Variants in TNNT3 observed in about 807,000 individuals in gnomAD.
TNNT3 encodes the protein troponin T3, fast skeletal type.
In TNNT3, 36 loss-of-function variants were observed where a neutral mutation model predicts 54.2. That is an observed-to-expected ratio of 0.66 (90% CI 0.51 to 0.88). The LOEUF (loss-of-function observed/expected upper bound fraction) is 0.88. Among genes scored for constraint, TNNT3 ranks in the 40% least tolerant of loss-of-function variants. The pLI is 0.00. For synonymous variants in TNNT3, 120 were observed against 109.7 expected (o/e 1.09, Z -0.59); for missense variants, 291 against 331.6 (o/e 0.88, Z 0.95).
At chr11:1,938,093 C>T (rs1340929593) in intron 15 of TNNT3, 1 of 361,044 alleles carries the variant, frequency 2.8e-6, no homozygotes, top group Non-Finnish European at 5.4e-6. Context: ...GGGGCATGAG[C>T]TCTTTCAAGG....
chr11:1,926,648 C>A (rs761517568), intron 5 of TNNT3, 47 bp from the exon 6 acceptor site: 62 of 1,612,636 alleles, frequency 3.8e-5, no homozygotes, highest in Non-Finnish European at 5.3e-5. Context: ...TCACACTGGT[C>A]CTCTCTCTCT....
chr11:1,924,485 T>G (rs1850959614), intron 4 of TNNT3, among the ~76,000 whole-genome samples: 1 of 152,214 alleles, frequency 6.6e-6, no homozygotes, highest in South Asian at 2.1e-4. Flanking sequence ...TTGAAAATAT[T>G]TTGAAAACAC....
At chr11:1,929,693 G>T (rs2292472) in intron 7 of TNNT3, 117 bp from the exon 8 acceptor site, 6 of 1,114,124 alleles carry the variant, frequency 5.4e-6, no homozygotes, top group Middle Eastern at 2.0e-4. Flanking sequence ...TGAAAAGGAC[G>T]GTGGCCTTCA....
At chr11:1,927,226 G>A (rs754239929) in intron 6 of TNNT3, among the ~76,000 whole-genome samples, 8 of 152,192 alleles carry the variant, frequency 5.3e-5, no homozygotes, top group South Asian at 2.1e-4. Flanking sequence ...CTGGGGACCC[G>A]GAACAGCCAG....
intron 1 of TNNT3, among the ~76,000 whole-genome samples, chr11:1,920,431 C>T (rs1328018415): frequency 1.3e-5 from 2 of 152,114 alleles, no homozygotes; most frequent in Non-Finnish European, 2.9e-5. Context: ...ATCGCGTCCC[C>T]CTGGCTGGAG....
At chr11:1,937,608 C>T (rs1342873134) in intron 15 of TNNT3, among the ~76,000 whole-genome samples, 3 of 152,300 alleles carry the variant, frequency 2.0e-5, no homozygotes, top group Middle Eastern at 3.4e-3. Flanking sequence ...TGTCATGGAG[C>T]CCAGCTGCAC....
chr11:1,925,645 C>T (rs1851376384), intron 5 of TNNT3, among the ~76,000 whole-genome samples: 1 of 152,146 alleles, frequency 6.6e-6, no homozygotes, highest in African/African-American at 2.4e-5. Context: ...TGGCGTCGAC[C>T]CCTGGGCCTG....
At chr11:1,925,220 G>A (rs1460115774) in intron 5 of TNNT3, 104 bp downstream of exon 5, 4 of 1,606,284 alleles carry the variant, frequency 2.5e-6, no homozygotes, top group Non-Finnish European at 1.7e-6. Context: ...GTGTGCCCCT[G>A]TCTAACCCTC....
intron 6 of TNNT3, 73 bp downstream of exon 6, chr11:1,926,782 T>C: frequency 6.3e-7 from 1 of 1,594,110 alleles, no homozygotes; most frequent in African/African-American, 1.3e-5. Flanking sequence ...TTCCTCCCTC[T>C]TGCCCACCCC....
intron 8 of TNNT3, 101 bp from the exon 9 acceptor site, chr11:1,932,367 AG>A: frequency 9.1e-7 from 1 of 1,096,488 alleles, no homozygotes. Flanking sequence ...CCAGAGCAGG[AG>A]GGCACCAGGG....
intron 14 of TNNT3, 74 bp downstream of exon 14, chr11:1,934,993 C>CA (rs1854549962): frequency 2.1e-6 from 3 of 1,405,888 alleles, no homozygotes; most frequent in Non-Finnish European, 3.0e-6. Flanking sequence ...CTCCCTGCGT[C>CA]CCTACCAAAC....
intron 9 of TNNT3, 99 bp downstream of exon 9, chr11:1,932,613 AG>A: frequency 8.1e-7 from 1 of 1,229,408 alleles, no homozygotes; most frequent in Non-Finnish European, 1.2e-6. Context: ...AAGTAGCCAG[AG>A]CCGGGGCCTC....
chr11:1,919,990 G>C (rs746580593), intron 1 of TNNT3, among the ~76,000 whole-genome samples: 1 of 152,198 alleles, frequency 6.6e-6, no homozygotes, highest in Non-Finnish European at 1.5e-5. Context: ...TCTCAGCACC[G>C]GGAGGATGCA....
intron 8 of TNNT3, among the ~76,000 whole-genome samples, chr11:1,930,474 G>A (rs915826859): frequency 5.3e-5 from 8 of 152,166 alleles, no homozygotes; most frequent in Non-Finnish European, 1.5e-5. Flanking sequence ...ATTCAGAGGA[G>A]CTTGTCCTCA....
chr11:1,938,126 T>C, intron 15 of TNNT3: 5 of 422,104 alleles, frequency 1.2e-5, no homozygotes, highest in Non-Finnish European at 1.8e-5. Context: ...GATTATATCA[T>C]TATCTGCTAA....
chr11:1,934,144 C>T (rs1291141805), intron 11 of TNNT3, 136 bp downstream of exon 11: 17 of 1,156,616 alleles, frequency 1.5e-5, no homozygotes, highest in South Asian at 5.3e-5. Context: ...GCTAAGGCCC[C>T]GGCGCCCTGC....
At chr11:1,925,702 G>T (rs1216996203) in intron 5 of TNNT3, among the ~76,000 whole-genome samples, 1 of 152,102 alleles carries the variant, frequency 6.6e-6, no homozygotes, top group African/African-American at 2.4e-5. Flanking sequence ...TGAGGGGAGA[G>T]AAGGCGGCTG....
At position 1,934,839 on chromosome 11, in the gene TNNT3, A is replaced by G. The variant is rs772987319; in HGVS notation, c.601A>G (p.Lys201Glu). Residue 201 changes from lysine to glutamate, a missense_variant, in exon 14 of 16, where the codon AAG becomes GAG. Physicochemically the swap from Lys to Glu is moderately conservative, Grantham distance 56. Transcript: ENST00000278317. ...CTTCCTCTGCCCCAGGGACAAGGCC[A>G]AGGAGCTCTGGGAGACCCTGCACCA... is the stretch of plus-strand genomic sequence containing the variant. ...LGEDKLRDKA[K>E]ELWETLHQLE... The G allele has an allele frequency of 6.2e-7, 1 of 1,613,472 alleles. No homozygotes were observed. The highest frequency in any genetic ancestry group is 8.5e-7 in the Non-Finnish European group (1 of 1,180,012).
Position 1,923,707 on chromosome 11 carries a change from T to C in TNNT3, c.49+135T>C, listed in dbSNP as rs3781958. 1,741 of 690,748 alleles carry C rather than the reference T, an allele frequency of 2.5e-3. 46 individuals carry two copies. The East Asian group carries it at 0.046, about 18-fold the overall frequency. 42.8% of individuals were successfully genotyped at this position (690,748 alleles called of 1,614,324 possible). A position where few individuals can be genotyped will look rare whatever the true frequency, so the allele number is the denominator to read the frequency against. On this transcript the variant is annotated intron_variant, in intron 4 of 15. Transcript: ENST00000278317. ...GAGCTTGTCAATCAACCTTCCATCT[T>C]CCTCATCATTAGTCACTAACAATCA...
Sources: gnomAD v4.1 joint callset for allele counts (sites outside exome capture counted in the v4.1 genomes callset) on GRCh38, gnomAD v4.1.1 for gene constraint, MANE v1.5 for transcripts, NCBI Gene and HGNC (gene_info 2026-07-23, HGNC 2026-07-21) for gene names.